The following FBXO4 variants were observed in gnomAD, a reference collection of about 807,000 sequenced individuals.
FBXO4 encodes F-box only protein 4.
In FBXO4, 36 loss-of-function variants were observed where a neutral mutation model predicts 43.7. That is an observed-to-expected ratio of 0.82 (90% confidence interval 0.63 to 1.09). FBXO4 has a LOEUF of 1.09. FBXO4 is among the 50% of genes least tolerant of loss of function. The probability of loss-of-function intolerance (pLI) is 0.00; values close to 1 mark genes in which losing one functional copy is unlikely to be tolerated. For missense variants in FBXO4, 435 were observed against 474.1 expected (o/e 0.92, Z 0.77); for synonymous variants, 180 against 165.6 (o/e 1.09, Z -0.67).
At chr5:42,015,866 C>G in the FBXO4 span, among the ~76,000 whole-genome samples, 1 of 152,082 alleles carries the variant, frequency 6.6e-6, no homozygotes, top group South Asian at 2.1e-4. Context: ...ATGTAGTGGT[C>G]ATCTGTGGTT....
the FBXO4 span, among the ~76,000 whole-genome samples, chr5:41,954,567 G>A: frequency 6.6e-6 from 1 of 152,124 alleles, no homozygotes; most frequent in Non-Finnish European, 1.5e-5. Context: ...TGAATTTATA[G>A]TAAAATAACT....
chr5:42,005,780 C>T, the FBXO4 span, among the ~76,000 whole-genome samples: 1 of 152,050 alleles, frequency 6.6e-6, no homozygotes. Flanking sequence ...CTTTTAAACT[C>T]ATTTCTATTT....
At chr5:41,956,404 A>T in the FBXO4 span, among the ~76,000 whole-genome samples, 2 of 152,228 alleles carry the variant, frequency 1.3e-5, no homozygotes, top group Non-Finnish European at 2.9e-5. Flanking sequence ...AATATATTTT[A>T]TATCCAAATG....
At chr5:41,968,048 A>C in the FBXO4 span, 1 of 380,064 alleles carries the variant, frequency 2.6e-6, no homozygotes, top group Non-Finnish European at 5.4e-6. Context: ...TGCTTGATCC[A>C]CTGGGCCAGT....
chr5:42,001,390 C>T, the FBXO4 span, among the ~76,000 whole-genome samples: 1 of 152,146 alleles, frequency 6.6e-6, no homozygotes, highest in Non-Finnish European at 1.5e-5. Context: ...CCACCATGCG[C>T]AGCTCATTTT....
chr5:41,974,630 C>G, the FBXO4 span, among the ~76,000 whole-genome samples: 1 of 151,874 alleles, frequency 6.6e-6, no homozygotes, highest in African/African-American at 2.4e-5. Context: ...TTTTTTCCAT[C>G]CTTCTGCTGA....
intron 5 of FBXO4, among the ~76,000 whole-genome samples, chr5:41,938,820 T>C (rs757723016): frequency 6.6e-6 from 1 of 152,228 alleles, no homozygotes; most frequent in African/African-American, 2.4e-5. Flanking sequence ...TGTTATCAGC[T>C]TCTAGAGGTC....
At chr5:42,040,166 T>C in the FBXO4 span, among the ~76,000 whole-genome samples, 35 of 152,236 alleles carry the variant, frequency 2.3e-4, no homozygotes, top group African/African-American at 8.4e-4. Flanking sequence ...TTGCAAGATG[T>C]ATCCCATCTA....
chr5:41,941,129 T>C (rs1751993106), intron 6 of FBXO4, 63 bp from the exon 7 acceptor site: 1 of 1,278,896 alleles, frequency 7.8e-7, no homozygotes, highest in African/African-American at 1.5e-5. Flanking sequence ...AAAATGTCCC[T>C]CCTACTCATA....
chr5:41,934,093 A>C (rs1751777355), intron 4 of FBXO4, 40 bp from the exon 5 acceptor site: 6 of 1,611,834 alleles, frequency 3.7e-6, no homozygotes, highest in Non-Finnish European at 5.1e-6. Context: ...GAGCCTGTTT[A>C]GTGTCTTTTT....
intron 5 of FBXO4, chr5:41,934,888 T>G (rs1751809638): frequency 1.0e-5 from 10 of 985,736 alleles, no homozygotes; most frequent in Non-Finnish European, 1.2e-5. Flanking sequence ...GCTAGTATTA[T>G]AATATCTTTC....
chr5:41,998,518 T>C, the FBXO4 span, among the ~76,000 whole-genome samples: 2 of 152,208 alleles, frequency 1.3e-5, no homozygotes, highest in Admixed American at 1.3e-4. Flanking sequence ...TTTTAATCCA[T>C]GTTTTAGTTA....
chr5:41,981,733 T>A, the FBXO4 span, among the ~76,000 whole-genome samples: 3 of 151,544 alleles, frequency 2.0e-5, no homozygotes, highest in African/African-American at 7.3e-5. Flanking sequence ...TTGGTTTTTT[T>A]TTTTTGCTTT....
chr5:41,995,120 G>A, the FBXO4 span, among the ~76,000 whole-genome samples: 1 of 152,184 alleles, frequency 6.6e-6, no homozygotes, highest in African/African-American at 2.4e-5. Flanking sequence ...GGGGAACATG[G>A]TAAGACCAGT....
At chr5:41,934,488 G>A in intron 5 of FBXO4, 180 bp downstream of exon 5, 2 of 1,426,252 alleles carry the variant, frequency 1.4e-6, no homozygotes, top group Non-Finnish European at 1.8e-6. Context: ...GATCACCTGG[G>A]AAGCTTGTTA....
At chr5:42,002,128 AG>A in the FBXO4 span, among the ~76,000 whole-genome samples, 1 of 152,254 alleles carries the variant, frequency 6.6e-6, no homozygotes, top group East Asian at 1.9e-4. Context: ...TCTAGTCTTT[AG>A]GGTTTTCTAC....
chr5:41,957,687 G>A, the FBXO4 span, among the ~76,000 whole-genome samples: 1 of 151,182 alleles, frequency 6.6e-6, no homozygotes, highest in African/African-American at 2.4e-5. Flanking sequence ...ATATTTTAAA[G>A]TCCCTCTTTG....
At chr5:41,980,451 T>A in the FBXO4 span, among the ~76,000 whole-genome samples, 1 of 152,182 alleles carries the variant, frequency 6.6e-6, no homozygotes, top group Non-Finnish European at 1.5e-5. Context: ...AATCTCCATA[T>A]AGCACACTAT....
the FBXO4 span, among the ~76,000 whole-genome samples, chr5:41,962,440 C>A: frequency 6.6e-6 from 1 of 152,104 alleles, no homozygotes. Flanking sequence ...TTTTGTGTTG[C>A]CTGAAGACTC....
Sources: allele counts gnomAD v4.1 joint callset (sites outside exome capture counted in the v4.1 genomes callset), GRCh38; gene constraint gnomAD v4.1.1; transcripts MANE v1.5; gene names NCBI Gene and HGNC (gene_info 2026-07-23, HGNC 2026-07-21).